Variants in SLCO5A1 observed in about 807,000 individuals in gnomAD.
SLCO5A1 encodes the protein organic anion transporter polypeptide-related protein 4.
In SLCO5A1, 39 loss-of-function variants were observed where a neutral mutation model predicts 65.1. That is an observed-to-expected ratio of 0.60 (90% CI 0.46 to 0.78). The LOEUF (loss-of-function observed/expected upper bound fraction) is 0.78. SLCO5A1 is among the 30% of genes least tolerant of loss of function. The pLI is 0.00. For synonymous variants in SLCO5A1, 438 were observed against 415.7 expected (o/e 1.05, Z -0.65); for missense variants, 1,029 against 1,069.4 (o/e 0.96, Z 0.53).
At chr8:69,726,277 G>A (rs916398146) in intron 5 of SLCO5A1, among the ~76,000 whole-genome samples, 2 of 152,246 alleles carry the variant, frequency 1.3e-5, no homozygotes, top group Admixed American at 1.3e-4. Context: ...GTTGTGAAAA[G>A]TAGCCATTTA....
rs759379642 is a variant in SLCO5A1, at chr8:69,705,020, G to A, written c.1622+11C>T. The A allele has an allele frequency of 4.4e-6, 7 of 1,607,810 alleles. No individual in the cohort carries two copies. The highest frequency in any genetic ancestry group is 1.3e-5 in the African/African-American group (1 of 74,900). ...CGTGCAGACACGACACGGCTCTTAA[G>A]AGGTACTTACCCTGTTGTATAAGGG... is the stretch of plus-strand genomic sequence containing the variant. On this transcript the variant is annotated intron_variant, in intron 6 of 9. Coordinates refer to ENST00000260126, the MANE Select transcript of SLCO5A1 (RefSeq NM_030958.3).
At chr8:69,785,332 G>A (rs1188153422) in intron 2 of SLCO5A1, among the ~76,000 whole-genome samples, 1 of 152,094 alleles carries the variant, frequency 6.6e-6, no homozygotes, top group Non-Finnish European at 1.5e-5. Context: ...ATTTGTCAAA[G>A]CAACCAAATT....
intron 2 of SLCO5A1, among the ~76,000 whole-genome samples, chr8:69,764,230 A>T (rs1019838805): frequency 1.3e-5 from 2 of 152,196 alleles, no homozygotes; most frequent in African/African-American, 4.8e-5. Context: ...AGAGTTCCTC[A>T]TTTCCAATGT....
intron 4 of SLCO5A1, among the ~76,000 whole-genome samples, chr8:69,746,157 A>T (rs1000371097): frequency 1.3e-5 from 2 of 152,132 alleles, no homozygotes; most frequent in African/African-American, 4.8e-5. Context: ...CAAGGTCTGT[A>T]ACTTTTCATG....
chr8:69,792,778 A>C (rs1410834519), intron 2 of SLCO5A1, among the ~76,000 whole-genome samples: 2 of 152,184 alleles, frequency 1.3e-5, no homozygotes, highest in African/African-American at 4.8e-5. Context: ...AATTAAAGTC[A>C]AGATGCAAGA....
intron 5 of SLCO5A1, among the ~76,000 whole-genome samples, chr8:69,727,469 A>C (rs530893288): frequency 6.6e-6 from 1 of 152,174 alleles, no homozygotes; most frequent in Non-Finnish European, 1.5e-5. Context: ...TATAATATGG[A>C]CCTATAATGG....
At chr8:69,758,132 T>C (rs974546945) in intron 3 of SLCO5A1, among the ~76,000 whole-genome samples, 3 of 152,204 alleles carry the variant, frequency 2.0e-5, no homozygotes, top group African/African-American at 7.2e-5. Flanking sequence ...TAACAATCAG[T>C]TCATGATAGC....
At chr8:69,743,250 G>T (rs368918025) in intron 4 of SLCO5A1, among the ~76,000 whole-genome samples, 38 of 152,148 alleles carry the variant, frequency 2.5e-4, no homozygotes, top group African/African-American at 8.7e-4. Context: ...GTAATTTTTT[G>T]ACCATTAGCC....
At chr8:69,760,673 C>T (rs1055647741) in intron 3 of SLCO5A1, among the ~76,000 whole-genome samples, 2 of 152,152 alleles carry the variant, frequency 1.3e-5, no homozygotes, top group African/African-American at 4.8e-5. Context: ...TGCTAATCCA[C>T]ATGAAATGAA....
At chr8:69,797,469 C>T (rs947774596) in intron 2 of SLCO5A1, among the ~76,000 whole-genome samples, 4 of 152,244 alleles carry the variant, frequency 2.6e-5, no homozygotes, top group South Asian at 2.1e-4. Context: ...TAACCTTAAA[C>T]TCTGACTGCC....
rs1049618080 is a variant in SLCO5A1, at chr8:69,704,890, T to G, written c.1622+141A>C. The G allele has an allele frequency of 7.8e-6, 6 of 767,338 alleles. No individual in the cohort carries two copies. In the African/African-American group the frequency reaches 1.0e-4, roughly 13 times the overall value. The allele number at this position is 767,338 out of a possible 1,614,324, so 47.5% of individuals were successfully genotyped here. ...TGCCCTGCAGGAGTGCATGCTCCAC[T>G]TGGAGAGGCAGAGCACACAGAGCAC... On this transcript the variant is annotated intron_variant, in intron 6 of 9. Coordinates refer to ENST00000260126, the MANE Select transcript of SLCO5A1 (RefSeq NM_030958.3).
rs368596532 is a variant in SLCO5A1, at chr8:69,755,449, C to T, written c.1233G>A (p.Ser411=). The change falls in exon 4 of 10, where the codon TCG becomes TCA. Residue 411 remains serine (S), a synonymous_variant. Transcript: ENST00000260126. Reference sequence around the variant, plus strand: ...CTCTGACATCCTTTCCAAATCCCATCGAAGAAACTTTTTTGTCCGCTTGTT... The same window carrying T: ...CTCTGACATCCTTTCCAAATCCCATTGAAGAAACTTTTTTGTCCGCTTGTT... ...NSEQADKKVS[S]MGFGKDVRDL... The T allele has an allele frequency of 1.3e-5, 21 of 1,613,718 alleles. No individual in the cohort carries two copies. The highest frequency in any genetic ancestry group is 1.2e-4 in the African/African-American group (9 of 74,924).
At chr8:69,684,611 C>A (rs558453829) in intron 6 of SLCO5A1, among the ~76,000 whole-genome samples, 1 of 152,098 alleles carries the variant, frequency 6.6e-6, no homozygotes, top group Non-Finnish European at 1.5e-5. Flanking sequence ...TTGTGAATAA[C>A]CTGCCCCTTA....
intron 2 of SLCO5A1, among the ~76,000 whole-genome samples, chr8:69,771,293 A>T (rs1818310723): frequency 6.6e-6 from 1 of 152,174 alleles, no homozygotes; most frequent in African/African-American, 2.4e-5. Flanking sequence ...CTGATCTTAC[A>T]TCATTTTAAA....
chr8:69,712,405 G>A (rs1402911332), intron 5 of SLCO5A1, among the ~76,000 whole-genome samples: 2 of 152,128 alleles, frequency 1.3e-5, no homozygotes, highest in Admixed American at 1.3e-4. Context: ...AAATATAAAA[G>A]CTAATGACTG....
intron 6 of SLCO5A1, among the ~76,000 whole-genome samples, chr8:69,683,114 A>T (rs1442344688): frequency 6.6e-6 from 1 of 152,188 alleles, no homozygotes; most frequent in Non-Finnish European, 1.5e-5. Context: ...AGGGAAGGAA[A>T]GGCAGGTAAG....
intron 2 of SLCO5A1, among the ~76,000 whole-genome samples, chr8:69,793,472 A>G (rs183911023): frequency 2.4e-3 from 363 of 152,202 alleles, no homozygotes; most frequent in Non-Finnish European, 4.1e-3. Context: ...TAAAAATAAT[A>G]ATAATAATAG....
At chr8:69,736,651 T>G (rs982082102) in intron 5 of SLCO5A1, among the ~76,000 whole-genome samples, 2 of 152,196 alleles carry the variant, frequency 1.3e-5, no homozygotes, top group Non-Finnish European at 2.9e-5. Context: ...TTCTGGGAGT[T>G]TCACGATGCA....
chr8:69,680,390 G>C (rs940639111), intron 7 of SLCO5A1, among the ~76,000 whole-genome samples: 1 of 152,132 alleles, frequency 6.6e-6, no homozygotes, highest in Non-Finnish European at 1.5e-5. Flanking sequence ...GCGGTATTTG[G>C]TTTTCTAATC....
Sources: gnomAD v4.1 joint callset for allele counts (sites outside exome capture counted in the v4.1 genomes callset) on GRCh38, gnomAD v4.1.1 for gene constraint, MANE v1.5 for transcripts, NCBI Gene and HGNC (gene_info 2026-07-23, HGNC 2026-07-21) for gene names.